The following TEX2 variants were observed in gnomAD, a reference collection of about 807,000 sequenced individuals.
TEX2 encodes testis expressed 2.
A neutral mutation model predicts 106.9 loss-of-function variants in TEX2; 53 were observed. The ratio of observed to expected loss-of-function variants is 0.50; its 90% CI spans 0.40 to 0.62. The LOEUF (loss-of-function observed/expected upper bound fraction) is 0.62. Among genes scored for constraint, TEX2 ranks in the 20% least tolerant of loss-of-function variants. The probability of loss-of-function intolerance (pLI) is 0.00; values close to 1 mark genes in which losing one functional copy is unlikely to be tolerated. For missense variants in TEX2, 1,207 were observed against 1,379.0 expected (o/e 0.88, Z 1.98); for synonymous variants, 523 against 534.8 (o/e 0.98, Z 0.30).
chr17:64,159,432 A>G (rs2030784141), intron 8 of TEX2, among the ~76,000 whole-genome samples: 1 of 152,196 alleles, frequency 6.6e-6, no homozygotes, highest in Non-Finnish European at 1.5e-5. Flanking sequence ...GGGTGGGGAC[A>G]GCAGGACAAG....
intron 7 of TEX2, among the ~76,000 whole-genome samples, chr17:64,168,385 A>G (rs1045064561): frequency 2.0e-5 from 3 of 152,216 alleles, no homozygotes; most frequent in African/African-American, 7.2e-5. Context: ...CTTGTTACAC[A>G]AGCAGGCAAG....
At chr17:64,229,165 T>C (rs1555634305) in intron 1 of TEX2, among the ~76,000 whole-genome samples, 7 of 152,204 alleles carry the variant, frequency 4.6e-5, no homozygotes, top group Admixed American at 4.6e-4. Context: ...TCAAATGAGG[T>C]ACATATTTAA....
chr17:64,180,365 C>A (rs551805234), intron 5 of TEX2, among the ~76,000 whole-genome samples: 2 of 152,306 alleles, frequency 1.3e-5, no homozygotes, highest in South Asian at 4.1e-4. Flanking sequence ...AAGCCAATGG[C>A]ATATGATGTG....
intron 8 of TEX2, among the ~76,000 whole-genome samples, chr17:64,158,959 A>T (rs1049289691): frequency 6.6e-6 from 1 of 152,238 alleles, no homozygotes; most frequent in Non-Finnish European, 1.5e-5. Flanking sequence ...CTAGAAAAAA[A>T]TAGTACTTTA....
At chr17:64,204,295 C>A (rs2041121474) in intron 2 of TEX2, among the ~76,000 whole-genome samples, 1 of 152,042 alleles carries the variant, frequency 6.6e-6, no homozygotes, top group South Asian at 2.1e-4. Flanking sequence ...AAATAATTAT[C>A]CTTTTGATAA....
At chr17:64,194,698 A>G (rs1047643996) in intron 3 of TEX2, among the ~76,000 whole-genome samples, 197 bp downstream of exon 3, 1 of 152,284 alleles carries the variant, frequency 6.6e-6, no homozygotes. Flanking sequence ...GCCCACAGCT[A>G]CTGAATCAGA....
chr17:64,212,251 C>CA (rs1463541200), intron 2 of TEX2, among the ~76,000 whole-genome samples: 1 of 152,194 alleles, frequency 6.6e-6, no homozygotes, highest in Non-Finnish European at 1.5e-5. Context: ...TGAACCCTAA[C>CA]AGACTCAGCC....
chr17:64,149,211 T>C (rs138232405), intron 11 of TEX2, 120 bp from the exon 12 acceptor site: 289 of 1,081,338 alleles, frequency 2.7e-4, no homozygotes, highest in Non-Finnish European at 3.7e-4. Context: ...AAAAACTTGC[T>C]ATGCATTCCA....
chr17:64,238,428 T>G (rs1338986693), intron 1 of TEX2, among the ~76,000 whole-genome samples: 1 of 152,248 alleles, frequency 6.6e-6, no homozygotes, highest in Non-Finnish European at 1.5e-5. Context: ...TTATTTAAAT[T>G]TTGGCATTCT....
At chr17:64,254,115 G>A (rs1264028228) in intron 1 of TEX2, among the ~76,000 whole-genome samples, 1 of 152,050 alleles carries the variant, frequency 6.6e-6, no homozygotes. Flanking sequence ...GAGACATTCC[G>A]CAATGCAACA....
At chr17:64,168,962 G>A (rs981756470) in intron 7 of TEX2, among the ~76,000 whole-genome samples, 5 of 138,450 alleles carry the variant, frequency 3.6e-5, no homozygotes, top group African/African-American at 1.1e-4. Context: ...AGACTCCCGA[G>A]TAGCTGGGAT....
At chr17:64,244,755 T>A (rs1376399395) in intron 1 of TEX2, among the ~76,000 whole-genome samples, 3 of 152,332 alleles carry the variant, frequency 2.0e-5, no homozygotes, top group South Asian at 2.1e-4. Context: ...TTTAAAAAAA[T>A]TATTTTTTTC....
At chr17:64,177,279 TGAA>T in intron 6 of TEX2, 43 bp downstream of exon 6, 1 of 1,602,884 alleles carries the variant, frequency 6.2e-7, no homozygotes, top group Non-Finnish European at 8.5e-7. Flanking sequence ...TTTCCAGAAA[TGAA>T]GAAGTATAGA....
intron 2 of TEX2, among the ~76,000 whole-genome samples, chr17:64,197,162 C>T (rs540834028): frequency 6.6e-6 from 1 of 151,796 alleles, no homozygotes; most frequent in East Asian, 1.9e-4. Flanking sequence ...AGTGTTCCCT[C>T]TTCTCTATTT....
At chr17:64,229,740 G>C (rs1354589204) in intron 1 of TEX2, among the ~76,000 whole-genome samples, 2 of 152,162 alleles carry the variant, frequency 1.3e-5, no homozygotes, top group Non-Finnish European at 2.9e-5. Context: ...AAAACTGACT[G>C]ATATGGACAA....
intron 7 of TEX2, among the ~76,000 whole-genome samples, chr17:64,165,323 C>T (rs1207215215): frequency 6.6e-6 from 1 of 152,192 alleles, no homozygotes; most frequent in African/African-American, 2.4e-5. Context: ...GCCTTATCTA[C>T]CTGTAACTGT....
intron 1 of TEX2, among the ~76,000 whole-genome samples, chr17:64,249,109 T>A (rs1174277602): frequency 3.3e-5 from 5 of 151,940 alleles, no homozygotes; most frequent in Non-Finnish European, 7.4e-5. Context: ...TGTTTACTGC[T>A]GTAAGAACAG....
At chr17:64,182,080 GCACC>G in intron 5 of TEX2, among the ~76,000 whole-genome samples, 1 of 152,112 alleles carries the variant, frequency 6.6e-6, no homozygotes, top group South Asian at 2.1e-4. Flanking sequence ...AGCAAGCCAA[GCACC>G]CACCGATGGA....
chr17:64,190,041 T>C (rs577287635), intron 4 of TEX2, among the ~76,000 whole-genome samples: 1 of 151,960 alleles, frequency 6.6e-6, no homozygotes, highest in African/African-American at 2.4e-5. Flanking sequence ...ATCAAACCAT[T>C]TTCTTCTTAA....
Sources: gnomAD v4.1 joint callset for allele counts (sites outside exome capture counted in the v4.1 genomes callset) on GRCh38, gnomAD v4.1.1 for gene constraint, MANE v1.5 for transcripts, NCBI Gene and HGNC (gene_info 2026-07-23, HGNC 2026-07-21) for gene names.